SOX5: variants seen among roughly 807,000 people sequenced by gnomAD.
SOX5 encodes the protein SRY-box transcription factor 5.
Under a neutral mutation model 92.0 loss-of-function variants are expected in SOX5, and 9 were observed. That is an observed-to-expected ratio of 0.10 (90% CI 0.06 to 0.17). The LOEUF is 0.17. SOX5 is among the 10% of genes least tolerant of loss of function. SOX5 has a pLI of 1.00. For synonymous variants in SOX5, 344 were observed against 336.3 expected (o/e 1.02, Z -0.25); for missense variants, 642 against 944.5 (o/e 0.68, Z 4.20).
chr12:24,470,874 A>G (rs1944744243), intron 1 of SOX5, among the ~76,000 whole-genome samples: 1 of 152,212 alleles, frequency 6.6e-6, no homozygotes, highest in African/African-American at 2.4e-5. Flanking sequence ...GTAACATATA[A>G]ATGAATCCAA....
intron 10 of SOX5, among the ~76,000 whole-genome samples, chr12:23,567,464 A>ATTTTTTTTTTTTTTT (rs35620007): frequency 8.4e-6 from 1 of 119,154 alleles, no homozygotes; most frequent in African/African-American, 3.2e-5. Flanking sequence ...ATTTGATTTG[A>ATTTTTTTTTTTTTTT]TTTTTTTTTT....
chr12:24,502,856 A>T (rs1948356927), intron 1 of SOX5, among the ~76,000 whole-genome samples: 1 of 152,212 alleles, frequency 6.6e-6, no homozygotes, highest in Admixed American at 6.5e-5. Context: ...ATTTTACGGT[A>T]TTCTGGCCAA....
rs139997443 is a variant in SOX5 at position 23,823,033 on chromosome 12, G to A, written c.481+22950C>T. ...TCTTTGCACATGAGGTGGGTCTCCT[G>A]AATACAGCACACTGATGTTTCTTGA... On this transcript the variant is annotated intron_variant, in intron 3 of 14. Transcript: ENST00000451604. Among the ~76,000 whole-genome samples the A allele has an allele frequency of 9.2e-3, 1,396 of 152,220 alleles. 25 individuals carry two copies. The highest frequency in any genetic ancestry group is 0.032 in the African/African-American group (1,330 of 41,502).
chr12:23,871,798 C>T (rs1233949435), intron 2 of SOX5, among the ~76,000 whole-genome samples: 1 of 152,062 alleles, frequency 6.6e-6, no homozygotes, highest in East Asian at 1.9e-4. Flanking sequence ...GAAATCAAAA[C>T]AGGATCATGA....
intron 8 of SOX5, among the ~76,000 whole-genome samples, chr12:23,608,184 A>G (rs1264412145): frequency 6.6e-6 from 1 of 151,188 alleles, no homozygotes; most frequent in Admixed American, 6.6e-5. Flanking sequence ...GTTTAACCAG[A>G]CTCACAGTAT....
intron 4 of SOX5, among the ~76,000 whole-genome samples, chr12:24,141,035 G>T (rs769417866): frequency 2.3e-5 from 3 of 128,600 alleles, no homozygotes; most frequent in Non-Finnish European, 5.0e-5. Flanking sequence ...TACGCAGTAG[G>T]TATTTCTGGG....
chr12:23,690,252 A>G (rs1329596849), intron 6 of SOX5, among the ~76,000 whole-genome samples: 6 of 152,216 alleles, frequency 3.9e-5, no homozygotes, highest in Non-Finnish European at 8.8e-5. Flanking sequence ...AAGACATGTC[A>G]TATCACAGAA....
intron 4 of SOX5, among the ~76,000 whole-genome samples, chr12:24,207,443 C>T (rs1958137023): frequency 6.6e-6 from 1 of 151,950 alleles, no homozygotes; most frequent in African/African-American, 2.4e-5. Flanking sequence ...CAGAGTAAGA[C>T]TCAGTAAGAA....
intron 4 of SOX5, among the ~76,000 whole-genome samples, chr12:23,970,841 A>ATATATATATAAATT: frequency 4.6e-5 from 1 of 21,882 alleles, no homozygotes; most frequent in African/African-American, 1.2e-4. Context: ...TATATATATA[A>ATATATATATAAATT]TTTTTTTTTT....
intron 4 of SOX5, among the ~76,000 whole-genome samples, chr12:23,983,451 C>G (rs758913005): frequency 1.3e-5 from 2 of 152,158 alleles, no homozygotes; most frequent in South Asian, 4.1e-4. Flanking sequence ...TTGAAGCTCA[C>G]AGCTGTCACA....
At chr12:23,688,305 T>C (rs533696207) in intron 6 of SOX5, among the ~76,000 whole-genome samples, 17 of 152,234 alleles carry the variant, frequency 1.1e-4, no homozygotes, top group Admixed American at 6.6e-4. Flanking sequence ...AGTTTCCAAC[T>C]ACACTGTATT....
intron 2 of SOX5, among the ~76,000 whole-genome samples, chr12:24,315,925 C>T (rs189698668): frequency 2.6e-4 from 39 of 152,300 alleles, no homozygotes; most frequent in African/African-American, 7.9e-4. Flanking sequence ...AAAACGGAGG[C>T]GTGTGACTCT....
intron 4 of SOX5, among the ~76,000 whole-genome samples, chr12:24,120,575 T>C (rs946883927): frequency 2.6e-5 from 4 of 152,156 alleles, no homozygotes; most frequent in East Asian, 1.9e-4. Context: ...ATGGAGGAGA[T>C]TGTTACAAAC....
intron 2 of SOX5, among the ~76,000 whole-genome samples, chr12:23,883,886 TGA>T (rs1046759962): frequency 7.2e-5 from 11 of 152,206 alleles, no homozygotes; most frequent in African/African-American, 2.7e-4. Flanking sequence ...AATATTTGAC[TGA>T]GAGATAATAT....
chr12:24,470,671 C>T (rs1430911827), intron 1 of SOX5, among the ~76,000 whole-genome samples: 2 of 152,142 alleles, frequency 1.3e-5, no homozygotes, highest in African/African-American at 4.8e-5. Context: ...CAGTCCCTTA[C>T]AATGAGTATT....
rs140500820 is a variant in SOX5 at position 24,234,267 on chromosome 12, G to A, written c.-76-20850C>T. Among the ~76,000 whole-genome samples the A allele has an allele frequency of 5.0e-3, 763 of 152,270 alleles. 5 individuals are homozygous for A. Among genetic ancestry groups the A allele is most frequent in the Middle Eastern group, 0.017 (5 of 294 alleles). On this transcript the variant is annotated intron_variant, in intron 3 of 4. Coordinates refer to the SOX5 transcript ENST00000446891. ...GTCACAAGAATCTAAAGGATTCTGT[G>A]TGCCAGAATTTCTGAAATTACTGAC...
chr12:24,003,093 G>A (rs553988132), intron 4 of SOX5, among the ~76,000 whole-genome samples: 2 of 151,974 alleles, frequency 1.3e-5, no homozygotes, highest in Non-Finnish European at 2.9e-5. Context: ...AAAAATTTTT[G>A]ACTAAACCCA....
intron 1 of SOX5, among the ~76,000 whole-genome samples, chr12:24,410,126 T>C (rs868596882): frequency 2.0e-5 from 3 of 152,110 alleles, no homozygotes; most frequent in South Asian, 2.1e-4. Flanking sequence ...GCCTCCCACA[T>C]AGCTGGGACT....
chr12:23,901,429 G>A (rs1220718172), intron 1 of SOX5, among the ~76,000 whole-genome samples: 1 of 152,286 alleles, frequency 6.6e-6, no homozygotes, highest in African/African-American at 2.4e-5. Context: ...AATAAAAAAG[G>A]TAATAATATA....
Sources: gnomAD v4.1 joint callset for allele counts (sites outside exome capture counted in the v4.1 genomes callset) on GRCh38, gnomAD v4.1.1 for gene constraint, MANE v1.5 for transcripts, NCBI Gene and HGNC (gene_info 2026-07-23, HGNC 2026-07-21) for gene names.